The following DDX6 variants were observed in gnomAD, a reference collection of about 807,000 sequenced individuals.
The protein encoded by DDX6 is DEAD-box helicase 6, also known as probable ATP-dependent RNA helicase DDX6.
DDX6 carries 7 observed loss-of-function variants against 60.6 expected under a neutral mutation model. The observed-to-expected ratio is 0.12, with a 90% confidence interval of 0.07 to 0.22. The LOEUF (loss-of-function observed/expected upper bound fraction) is 0.22. Among genes scored for constraint, DDX6 ranks in the 10% least tolerant of loss-of-function variants. DDX6 has a pLI of 1.00. For missense variants in DDX6, 270 were observed against 589.9 expected (o/e 0.46, Z 5.62); for synonymous variants, 207 against 201.0 (o/e 1.03, Z -0.25).
intron 6 of DDX6, among the ~76,000 whole-genome samples, chr11:118,764,067 T>C (rs1671514533): frequency 6.6e-6 from 1 of 152,126 alleles, no homozygotes; most frequent in African/African-American, 2.4e-5. Flanking sequence ...TCTCAATTAA[T>C]AGCAGAAGGC....
At chr11:118,777,200 T>C (rs535516682) in intron 4 of DDX6, among the ~76,000 whole-genome samples, 54 of 151,404 alleles carry the variant, frequency 3.6e-4, no homozygotes, top group Non-Finnish European at 7.2e-4. Flanking sequence ...TTATTCATTA[T>C]AGAATTCCCA....
chr11:118,761,861 G>GAAAAAAAAAAAAA (rs11296874), intron 7 of DDX6, among the ~76,000 whole-genome samples: 2 of 134,022 alleles, frequency 1.5e-5, no homozygotes. Context: ...AAATTAAATG[G>GAAAAAAAAAAAAA]AAAAAAAAAA....
chr11:118,757,055 C>T, intron 10 of DDX6, 116 bp downstream of exon 10: 1 of 528,846 alleles, frequency 1.9e-6, no homozygotes, highest in Non-Finnish European at 3.2e-6. Flanking sequence ...ATGAAAGGTC[C>T]TTTGGCTACT....
intron 2 of DDX6, among the ~76,000 whole-genome samples, chr11:118,783,293 T>A (rs1453606109): frequency 1.3e-5 from 2 of 151,892 alleles, no homozygotes; most frequent in Admixed American, 1.3e-4. Flanking sequence ...TTTTATTTCT[T>A]TGAGATGGGG....
intron 1 of DDX6, chr11:118,787,859 C>T (rs1041797973): frequency 6.6e-6 from 1 of 151,826 alleles, no homozygotes; most frequent in African/African-American, 2.4e-5. Flanking sequence ...TCATTTATAA[C>T]AAACTTAGCT....
intron 8 of DDX6, 93 bp downstream of exon 8, chr11:118,759,829 A>G: frequency 6.1e-6 from 8 of 1,320,982 alleles, no homozygotes; most frequent in East Asian, 2.6e-5. Flanking sequence ...ATTAGCATAA[A>G]GTATATTCAC....
At chr11:118,767,626 C>CTTTTTTTTTTT (rs5795138) in intron 5 of DDX6, 19 of 88,736 alleles carry the variant, frequency 2.1e-4, no homozygotes, top group African/African-American at 5.3e-4. Context: ...CCTCAGCCGC[C>CTTTTTTTTTTT]TTTTTTTTTT....
rs1268132416 is a variant in DDX6, at chr11:118,748,397, T to A, written c.*3708A>T. ...GGAGTTTTAAAAAACTATCTTTAGA[T>A]TTAGAGATACAAAGTACAACTACAA... On this transcript the variant is annotated 3_prime_UTR_variant, in exon 14 of 14. Coordinates refer to ENST00000534980, the MANE Select transcript of DDX6 (RefSeq NM_004397.6). 2.0e-5 allele frequency: 3 copies of A among 152,142 alleles called. No homozygotes were observed. Among genetic ancestry groups the A allele is most frequent in the African/African-American group, 7.2e-5 (3 of 41,422 alleles). 9.4% of individuals were successfully genotyped at this position (152,142 alleles called of 1,614,324 possible).
intron 12 of DDX6, 27 bp from the exon 13 acceptor site, chr11:118,754,914 A>AGCCTGTAATCCCAGC: frequency 6.4e-7 from 1 of 1,562,058 alleles, no homozygotes; most frequent in Non-Finnish European, 8.7e-7. Context: ...TAAAAATTTT[A>AGCCTGTAATCCCAGC]ATGAATAAAA....
intron 13 of DDX6, 62 bp downstream of exon 13, chr11:118,754,643 G>A: frequency 6.8e-7 from 1 of 1,461,546 alleles, no homozygotes; most frequent in East Asian, 2.3e-5. Context: ...TTTCCCCCAG[G>A]AAAGAAGATT....
intron 1 of DDX6, chr11:118,790,258 C>A (rs1862225299): frequency 6.6e-6 from 1 of 152,112 alleles, no homozygotes; most frequent in Non-Finnish European, 1.5e-5. Flanking sequence ...CCGCCCCACG[C>A]CCCAAACACA....
intron 5 of DDX6, chr11:118,767,983 G>A (rs539286524): frequency 2.6e-6 from 1 of 385,304 alleles, no homozygotes; most frequent in Middle Eastern, 7.5e-4. Context: ...CTGTCTCACT[G>A]GAATGCTGTC....
chr11:118,755,618 T>C (rs1344494841), intron 11 of DDX6, 115 bp from the exon 12 acceptor site: 8 of 636,426 alleles, frequency 1.3e-5, no homozygotes, highest in South Asian at 1.2e-4. Flanking sequence ...GTTATTCAAA[T>C]GCATTTGCAC....
At position 118,760,064 on chromosome 11, in the gene DDX6, C is replaced by T; in HGVS notation, c.742-20G>A. ...ATCTGCCTGCAGTAGAAAGAAAAGACAATTTTAAAAACAATAAAATAATGT... is the reference window on the plus strand; with the variant it reads ...ATCTGCCTGCAGTAGAAAGAAAAGATAATTTTAAAAACAATAAAATAATGT... On this transcript the variant is annotated intron_variant, in intron 7 of 13. Transcript: ENST00000534980. The T allele has an allele frequency of 6.2e-7, 1 of 1,605,876 alleles. No homozygotes were observed. The highest frequency in any genetic ancestry group is 8.5e-7 in the Non-Finnish European group (1 of 1,177,440).
chr11:118,786,893 G>A (rs1451343023), intron 1 of DDX6: 1 of 152,146 alleles, frequency 6.6e-6, no homozygotes, highest in Non-Finnish European at 1.5e-5. Context: ...ACAACTCACT[G>A]AAGTATCACA....
intron 4 of DDX6, among the ~76,000 whole-genome samples, chr11:118,772,235 C>T (rs1861559750): frequency 6.6e-6 from 1 of 152,084 alleles, no homozygotes; most frequent in Non-Finnish European, 1.5e-5. Flanking sequence ...ATCCTCAGTC[C>T]TTGGAAAACA....
At chr11:118,784,032 G>A in intron 2 of DDX6, among the ~76,000 whole-genome samples, 1 of 143,278 alleles carries the variant, frequency 7.0e-6, no homozygotes, top group East Asian at 2.0e-4. Context: ...AGGCTGCAGT[G>A]AGCCATGATC....
chr11:118,784,155 T>C (rs974780215), intron 2 of DDX6, among the ~76,000 whole-genome samples: 15 of 151,954 alleles, frequency 9.9e-5, no homozygotes, highest in Non-Finnish European at 1.8e-4. Context: ...ACTTACATTC[T>C]GCCAAGACAA....
chr11:118,790,967 C>G (rs554789149), intron 1 of DDX6, 131 bp downstream of exon 1: 1 of 152,830 alleles, frequency 6.5e-6, no homozygotes, highest in African/African-American at 2.4e-5. Flanking sequence ...CTCCTTCCTC[C>G]TCGGAAACCT....
Sources: allele counts gnomAD v4.1 joint callset (sites outside exome capture counted in the v4.1 genomes callset), GRCh38; gene constraint gnomAD v4.1.1; transcripts MANE v1.5; gene names NCBI Gene and HGNC (gene_info 2026-07-23, HGNC 2026-07-21).